PPP1R42: variants seen among roughly 807,000 people sequenced by gnomAD.
The protein encoded by PPP1R42 is leucine rich repeat containing 67.
A neutral mutation model predicts 31.0 loss-of-function variants in PPP1R42; 34 were observed. The ratio of observed to expected loss-of-function variants is 1.10; its 90% CI spans 0.83 to 1.46. The LOEUF (loss-of-function observed/expected upper bound fraction) is 1.46. PPP1R42 is among the 40% of genes most tolerant of loss of function. The pLI is 0.00. For synonymous variants in PPP1R42, 103 were observed against 109.8 expected (o/e 0.94, Z 0.39); for missense variants, 268 against 303.0 (o/e 0.88, Z 0.86).
intron 5 of PPP1R42, among the ~76,000 whole-genome samples, chr8:67,008,261 C>T (rs1428705908): frequency 2.0e-5 from 3 of 152,046 alleles, no homozygotes; most frequent in African/African-American, 4.8e-5. Context: ...ATGTAGCATT[C>T]GATACTACCC....
Position 66,968,441 on chromosome 8 carries a change from T to A in PPP1R42, c.803-4107A>T, listed in dbSNP as rs577459135. 11 of 983,678 alleles carry A rather than the reference T, an allele frequency of 1.1e-5. No individual in the cohort carries two copies. In the South Asian group the frequency reaches 5.2e-4, roughly 46 times the overall value. 60.9% of individuals were successfully genotyped at this position (983,678 alleles called of 1,614,324 possible). A position where few individuals can be genotyped will look rare whatever the true frequency, so the allele number is the denominator to read the frequency against. On this transcript the variant is annotated intron_variant, in intron 7 of 7. Coordinates refer to ENST00000685739, the MANE Select transcript of PPP1R42 (RefSeq NM_001364910.1). ...GGAAGATGCACCGTAAGCTTATTTCTACCTCTGAGCAGGCTCCCCACCTTG... is the reference window on the plus strand; with the variant it reads ...GGAAGATGCACCGTAAGCTTATTTCAACCTCTGAGCAGGCTCCCCACCTTG...
intron 7 of PPP1R42, among the ~76,000 whole-genome samples, chr8:66,980,821 G>A (rs778240915): frequency 4.6e-5 from 7 of 151,846 alleles, no homozygotes; most frequent in Non-Finnish European, 7.4e-5. Context: ...CAATGTCATG[G>A]GCTAAAAAAT....
At chr8:67,009,265 G>A (rs1035484531) in intron 5 of PPP1R42, among the ~76,000 whole-genome samples, 2 of 149,550 alleles carry the variant, frequency 1.3e-5, no homozygotes, top group South Asian at 2.1e-4. Flanking sequence ...GTGAGACTCC[G>A]TCTCAAAAAA....
At chr8:66,970,824 G>T (rs1814518199) in intron 7 of PPP1R42, 3 of 686,018 alleles carry the variant, frequency 4.4e-6, no homozygotes, top group Non-Finnish European at 7.8e-6. Flanking sequence ...GACCAACAAT[G>T]AACTTTTTTT....
chr8:67,021,311 GTAT>G (rs1479945145), intron 1 of PPP1R42: 1 of 152,044 alleles, frequency 6.6e-6, no homozygotes, highest in Admixed American at 6.6e-5. Flanking sequence ...GATATGGAAT[GTAT>G]TCTTAGACTC....
intron 6 of PPP1R42, chr8:66,985,514 C>A: frequency 2.5e-6 from 3 of 1,202,472 alleles, no homozygotes; most frequent in Non-Finnish European, 3.7e-6. Context: ...GAAGCAATGC[C>A]CATGTCATGG....
chr8:67,022,753 G>A (rs1816262204), intron 1 of PPP1R42, among the ~76,000 whole-genome samples: 1 of 151,972 alleles, frequency 6.6e-6, no homozygotes, highest in Admixed American at 6.6e-5. Flanking sequence ...CCCAGTACTT[G>A]GGGTGTTTTC....
At chr8:67,024,320 A>ATG (rs1585693170) in intron 1 of PPP1R42, among the ~76,000 whole-genome samples, 1 of 151,818 alleles carries the variant, frequency 6.6e-6, no homozygotes, top group Non-Finnish European at 1.5e-5. Flanking sequence ...TTCTTTTTGT[A>ATG]TGTGTGTGTG....
intron 1 of PPP1R42, among the ~76,000 whole-genome samples, chr8:67,025,856 T>A (rs1428374924): frequency 6.7e-6 from 1 of 149,690 alleles, no homozygotes; most frequent in Non-Finnish European, 1.5e-5. Context: ...AATACAAAAA[T>A]TAGCTGGGCG....
At chr8:67,018,817 C>CCCG (rs1415183440) in intron 1 of PPP1R42, among the ~76,000 whole-genome samples, 1 of 39,076 alleles carries the variant, frequency 2.6e-5, no homozygotes, top group African/African-American at 7.9e-5. Context: ...GGCCCCCGCC[C>CCCG]CCCCCCCCTT....
intron 6 of PPP1R42, among the ~76,000 whole-genome samples, chr8:66,983,428 T>G (rs1814908092): frequency 6.6e-6 from 1 of 152,150 alleles, no homozygotes; most frequent in Non-Finnish European, 1.5e-5. Context: ...TGAACACAGA[T>G]GATCTTCATT....
intron 6 of PPP1R42, chr8:66,986,182 C>A (rs1815006919): frequency 1.0e-5 from 6 of 601,718 alleles, no homozygotes; most frequent in Admixed American, 2.1e-5. Flanking sequence ...TGTCTTCTCA[C>A]CCACCTTGGA....
At chr8:67,011,817 T>C (rs1815851274) in intron 4 of PPP1R42, among the ~76,000 whole-genome samples, 1 of 152,188 alleles carries the variant, frequency 6.6e-6, no homozygotes, top group African/African-American at 2.4e-5. Context: ...GTATCTGTTC[T>C]TGTTAGTTTA....
chr8:67,026,525 T>G (rs1816402097), intron 1 of PPP1R42, among the ~76,000 whole-genome samples: 1 of 151,796 alleles, frequency 6.6e-6, no homozygotes, highest in Non-Finnish European at 1.5e-5. Context: ...ACATAAAAAT[T>G]TATTCTCCTG....
intron 6 of PPP1R42, chr8:66,984,377 T>G (rs1287361719): frequency 3.1e-6 from 4 of 1,308,622 alleles, no homozygotes; most frequent in Non-Finnish European, 4.4e-6. Flanking sequence ...TCATCCCACT[T>G]TATCCGATGC....
At chr8:66,998,003 G>A (rs1365971630) in intron 5 of PPP1R42, among the ~76,000 whole-genome samples, 1 of 152,068 alleles carries the variant, frequency 6.6e-6, no homozygotes, top group African/African-American at 2.4e-5. Context: ...AGAATACAGA[G>A]CCTTCAACCA....
In PPP1R42 at chr8:67,017,635, T is replaced by C. The variant is rs777720258; in HGVS notation, c.113A>G (p.Lys38Arg). 6.5e-7 allele frequency: 1 copy of C among 1,532,614 alleles called. No individual in the cohort carries two copies. The highest frequency in any genetic ancestry group is 2.3e-5 in the East Asian group (1 of 42,832). The allele number at this position is 1,532,614 out of a possible 1,614,324, so 94.9% of individuals were successfully genotyped here. The change falls in exon 2 of 8, where the codon AAA becomes AGA. Residue 38 changes from lysine to arginine, a missense_variant. By Grantham distance (26) the Lys-to-Arg change is conservative (BLOSUM62 2). Coordinates refer to ENST00000685739, the MANE Select transcript of PPP1R42 (RefSeq NM_001364910.1). ...KKITHINFSD[K>R]NIDAIEDLSL... ...AGTTCTTACAATTGCATCTATATTT[T>C]TGTCTGAAAAATTTATATGAGTTAT...
intron 5 of PPP1R42, among the ~76,000 whole-genome samples, chr8:66,998,478 CCAATCACATAGTCTGCAA>C (rs1299846968): frequency 6.6e-6 from 1 of 152,052 alleles, no homozygotes; most frequent in Non-Finnish European, 1.5e-5. Context: ...TTATATGTAC[CCAATCACATAGTCTGCAA>C]ATAAAGAACA....
At chr8:67,012,256 T>TAAAAC (rs1180958786) in intron 4 of PPP1R42, among the ~76,000 whole-genome samples, 2 of 152,226 alleles carry the variant, frequency 1.3e-5, no homozygotes, top group East Asian at 3.9e-4. Context: ...TAAAATAAAA[T>TAAAAC]AAAACTGATG....
Sources: allele counts gnomAD v4.1 joint callset (sites outside exome capture counted in the v4.1 genomes callset), GRCh38; gene constraint gnomAD v4.1.1; transcripts MANE v1.5; gene names NCBI Gene and HGNC (gene_info 2026-07-23, HGNC 2026-07-21).